Variants in MACC1 observed in about 807,000 individuals in gnomAD.
MACC1 encodes MET transcriptional regulator MACC1, also known as metastasis-associated in colon cancer protein 1.
In MACC1, 79 loss-of-function variants were observed where a neutral mutation model predicts 70.7. The observed-to-expected ratio is 1.12, with a 90% CI of 0.93 to 1.35. The LOEUF (loss-of-function observed/expected upper bound fraction) is 1.35, where lower values mean the gene tolerates loss of function less well. MACC1 is among the 40% of genes most tolerant of loss of function. MACC1 has a pLI of 0.00. For synonymous variants in MACC1, 361 were observed against 347.2 expected (o/e 1.04, Z -0.44); for missense variants, 1,106 against 978.1 (o/e 1.13, Z -1.74).
intron 2 of MACC1, among the ~76,000 whole-genome samples, chr7:20,165,823 T>A (rs1179396591): frequency 6.6e-6 from 1 of 152,212 alleles, no homozygotes; most frequent in Non-Finnish European, 1.5e-5. Context: ...AAAATACTTA[T>A]GCTGATTTTG....
chr7:20,210,336 C>T (rs1782977112), intron 1 of MACC1, among the ~76,000 whole-genome samples: 1 of 152,172 alleles, frequency 6.6e-6, no homozygotes, highest in South Asian at 2.1e-4. Context: ...CCTCACTGCA[C>T]ATCCACAGCC....
At chr7:20,165,279 A>C (rs1782196596) in intron 2 of MACC1, among the ~76,000 whole-genome samples, 1 of 152,124 alleles carries the variant, frequency 6.6e-6, no homozygotes, top group Admixed American at 6.6e-5. Context: ...TGTGCACAAG[A>C]ATTTTATTTC....
At chr7:20,171,637 A>G (rs1036914873) in intron 1 of MACC1, among the ~76,000 whole-genome samples, 2 of 149,342 alleles carry the variant, frequency 1.3e-5, no homozygotes, top group Non-Finnish European at 3.0e-5. Context: ...GTTGGAGTGC[A>G]GTGGTGTGAT....
chr7:20,140,650 T>C lies in MACC1; in HGVS notation c.*296A>G. The C allele has an allele frequency of 3.5e-6, 1 of 283,666 alleles. No individual in the cohort carries two copies. Among genetic ancestry groups the C allele is most frequent in the Non-Finnish European group, 6.5e-6 (1 of 154,390 alleles). 17.6% of individuals were successfully genotyped at this position (283,666 alleles called of 1,614,324 possible). A position where few individuals can be genotyped will look rare whatever the true frequency, so the allele number is the denominator to read the frequency against. On this transcript the variant is annotated 3_prime_UTR_variant, in exon 7 of 7. Transcript: ENST00000400331. The stretch of plus-strand genomic sequence containing the variant: ...TTTCCTTTCTAAGAACAAAGCAGCC[T>C]AATACTTGTATTTGAAACATACACA...
chr7:20,183,441 C>T (rs1782540449), intron 1 of MACC1, among the ~76,000 whole-genome samples: 1 of 152,142 alleles, frequency 6.6e-6, no homozygotes, highest in Non-Finnish European at 1.5e-5. Flanking sequence ...TGATTTTGGC[C>T]TTGTGATACC....
intron 2 of MACC1, among the ~76,000 whole-genome samples, chr7:20,166,657 C>T (rs1782224569): frequency 6.6e-6 from 1 of 152,146 alleles, no homozygotes; most frequent in African/African-American, 2.4e-5. Context: ...GAAGATTCTC[C>T]AGGGAAGGGA....
At position 20,158,414 on chromosome 7, in the gene MACC1, G is replaced by C; in HGVS notation, c.1947C>G (p.Ile649Met). Residue 649 changes from isoleucine to methionine, a missense_variant, in exon 5 of 7, where the codon ATC becomes ATG. Transcript: ENST00000400331. ...ACACCAAGGTTAATACAACTGAGTA[G>C]ATATAAGTCAATTTTTTTAAAGGCA... Reference protein sequence around the residue: ...IVLPLKKLTYIYSVVLTLVSE... With the variant: ...IVLPLKKLTYMYSVVLTLVSE... 1 of 1,613,822 alleles carries C rather than the reference G, an allele frequency of 6.2e-7. No homozygotes were observed. The highest frequency in any genetic ancestry group is 2.2e-5 in the East Asian group (1 of 44,848).
intron 1 of MACC1, among the ~76,000 whole-genome samples, chr7:20,201,649 G>C (rs116648318): frequency 0.014 from 2,131 of 152,322 alleles, 49 homozygotes; most frequent in African/African-American, 0.048. Flanking sequence ...GAAAGCAAAA[G>C]TTGAAGCAGA....
chr7:20,146,132 G>T (rs1781887545), intron 6 of MACC1, among the ~76,000 whole-genome samples: 1 of 147,050 alleles, frequency 6.8e-6, no homozygotes, highest in East Asian at 2.0e-4. Context: ...CTGCACTCCA[G>T]CCTGGATCTC....
intron 5 of MACC1, among the ~76,000 whole-genome samples, chr7:20,157,252 ATGATCTT>A (rs900224340): frequency 1.3e-5 from 2 of 152,196 alleles, no homozygotes; most frequent in Non-Finnish European, 2.9e-5. Flanking sequence ...TTTTAGAAAT[ATGATCTT>A]GATTTTTTTT....
Position 20,159,828 on chromosome 7 carries a change from T to A in MACC1, c.533A>T (p.Tyr178Phe), listed in dbSNP as rs985931196. Residue 178 changes from tyrosine to phenylalanine, a missense_variant, in exon 5 of 7, where the codon TAT becomes TTT. By Grantham distance (22) the Tyr-to-Phe change is conservative (BLOSUM62 3). Transcript: ENST00000400331. ...GCGTTGACTTAACCAAGCCATTTTA[T>A]AAGCCTCCCGATCATTTTTAAGCCA... ...LEWLKNDREAYKMAWLSQRQL... is the reference protein window; with the variant it reads ...LEWLKNDREAFKMAWLSQRQL... 4 of 1,614,184 alleles carry A rather than the reference T, an allele frequency of 2.5e-6. No individual in the cohort carries two copies. Among genetic ancestry groups the A allele is most frequent in the Non-Finnish European group, 3.4e-6 (4 of 1,180,038 alleles).
chr7:20,186,206 T>C (rs1443287169), intron 1 of MACC1, among the ~76,000 whole-genome samples: 1 of 152,192 alleles, frequency 6.6e-6, no homozygotes, highest in Non-Finnish European at 1.5e-5. Flanking sequence ...CCTCTTATAA[T>C]CTAAAATCAT....
At chr7:20,156,430 T>C (rs1782055943) in intron 5 of MACC1, among the ~76,000 whole-genome samples, 1 of 152,224 alleles carries the variant, frequency 6.6e-6, no homozygotes, top group East Asian at 1.9e-4. Flanking sequence ...GCTTGAACTT[T>C]CAGACCATCA....
chr7:20,152,258 G>A (rs551945591), intron 6 of MACC1, among the ~76,000 whole-genome samples: 8 of 152,102 alleles, frequency 5.3e-5, no homozygotes, highest in South Asian at 4.1e-4. Flanking sequence ...GAAAAAAAGC[G>A]GCCCAGCAAC....
chr7:20,202,656 T>G (rs941862634), intron 1 of MACC1, among the ~76,000 whole-genome samples: 20 of 152,246 alleles, frequency 1.3e-4, no homozygotes, highest in Admixed American at 1.2e-3. Context: ...GGAAATGTGC[T>G]ATATCTGTCA....
intron 1 of MACC1, among the ~76,000 whole-genome samples, chr7:20,178,677 G>A (rs57619292): frequency 1.6e-4 from 24 of 152,116 alleles, no homozygotes; most frequent in Non-Finnish European, 2.2e-4. Context: ...TCGGCTCACC[G>A]CAACCTCTGC....
intron 6 of MACC1, among the ~76,000 whole-genome samples, chr7:20,149,735 A>G (rs181448097): frequency 2.2e-4 from 34 of 152,280 alleles, no homozygotes; most frequent in Admixed American, 1.7e-3. Context: ...ACTGATATTT[A>G]GAAGCACTGA....
chr7:20,154,960 AAT>A lies in MACC1; in HGVS notation c.2158-581_2158-580del, dbSNP rs970600576. On this transcript the variant is annotated intron_variant, in intron 5 of 6. Transcript: ENST00000400331. ...AAGCTATTGATGTTTATAAGTTTAA[AAT>A]ATATATATATAAATTTATTAAAAAT... Among the ~76,000 whole-genome samples, 139 of 151,566 alleles carry A rather than the reference AAT, an allele frequency of 9.2e-4. 1 individual carries two copies. The highest frequency in any genetic ancestry group is 3.2e-3 in the African/African-American group (134 of 41,468).
chr7:20,159,066 T>C lies in MACC1; in HGVS notation c.1295A>G (p.Asp432Gly). The change falls in exon 5 of 7, where the codon GAT (aspartate) becomes GGT (glycine). Residue 432 changes from aspartate to glycine, a missense_variant. Transcript: ENST00000400331. ...KQSFLLDKPQ[D>G]LSISIFSCDP... ...ACAGGAAAAAATAGAAATACTTAAA[T>C]CTTGTGGCTTGTCAAGTAAAAATGA... The C allele has an allele frequency of 6.2e-7, 1 of 1,613,500 alleles. No individual in the cohort carries two copies. Among genetic ancestry groups the C allele is most frequent in the African/African-American group, 1.3e-5 (1 of 75,002 alleles).
Sources: allele counts gnomAD v4.1 joint callset (sites outside exome capture counted in the v4.1 genomes callset), GRCh38; gene constraint gnomAD v4.1.1; transcripts MANE v1.5; gene names NCBI Gene and HGNC (gene_info 2026-07-23, HGNC 2026-07-21).